Variants in PPM1H observed in about 807,000 individuals in gnomAD.
PPM1H encodes protein phosphatase 1H.
PPM1H carries 27 observed loss-of-function variants against 54.9 expected under a neutral mutation model. That is an observed-to-expected ratio of 0.49 (90% CI 0.36 to 0.68). PPM1H has a LOEUF of 0.68. PPM1H is among the 30% of genes least tolerant of loss of function. The probability of loss-of-function intolerance (pLI) is 0.00; values close to 1 mark genes in which losing one functional copy is unlikely to be tolerated. For missense variants in PPM1H, 596 were observed against 667.8 expected (o/e 0.89, Z 1.19); for synonymous variants, 305 against 270.8 (o/e 1.13, Z -1.24).
At chr12:62,816,546 C>A (rs1592613903) in intron 2 of PPM1H, among the ~76,000 whole-genome samples, 1 of 152,148 alleles carries the variant, frequency 6.6e-6, no homozygotes, top group East Asian at 1.9e-4. Context: ...GTCTCATTCC[C>A]AAGATATCTC....
intron 1 of PPM1H, among the ~76,000 whole-genome samples, chr12:62,840,838 C>G (rs1182682483): frequency 6.6e-6 from 1 of 152,132 alleles, no homozygotes; most frequent in Non-Finnish European, 1.5e-5. Context: ...ATCACAGTTA[C>G]TTTAGAAAAA....
chr12:62,790,078 A>G (rs1477694712), intron 3 of PPM1H, among the ~76,000 whole-genome samples: 2 of 152,210 alleles, frequency 1.3e-5, no homozygotes, highest in African/African-American at 2.4e-5. Context: ...TCAGGCCACT[A>G]TTGTAATCCT....
intron 1 of PPM1H, among the ~76,000 whole-genome samples, chr12:62,877,932 C>T (rs754401161): frequency 1.1e-4 from 16 of 152,200 alleles, no homozygotes; most frequent in Non-Finnish European, 1.9e-4. Flanking sequence ...GGGTCTCGCT[C>T]TATCGTCCAG....
At chr12:62,736,589 G>A (rs1945672285) in intron 5 of PPM1H, among the ~76,000 whole-genome samples, 1 of 152,228 alleles carries the variant, frequency 6.6e-6, no homozygotes, top group Non-Finnish European at 1.5e-5. Context: ...GAAGGAAAGT[G>A]CAGAGCTGCT....
At chr12:62,738,983 G>A (rs1446789610) in intron 4 of PPM1H, among the ~76,000 whole-genome samples, 1 of 151,386 alleles carries the variant, frequency 6.6e-6, no homozygotes, top group Non-Finnish European at 1.5e-5. Flanking sequence ...AAAGTGGGGG[G>A]TCGGGGCGGG....
chr12:62,777,282 T>C (rs897994559), intron 4 of PPM1H, among the ~76,000 whole-genome samples: 20 of 152,200 alleles, frequency 1.3e-4, no homozygotes, highest in African/African-American at 4.6e-4. Flanking sequence ...GAGCTTCATG[T>C]GTCTCCTGAA....
chr12:62,689,652 G>A (rs369802137), intron 8 of PPM1H, 47 bp downstream of exon 8: 35 of 1,492,222 alleles, frequency 2.3e-5, no homozygotes, highest in Admixed American at 1.3e-4. Context: ...GAATAACGCC[G>A]AAAATGTTTT....
At chr12:62,705,883 T>C (rs1282316012) in intron 6 of PPM1H, among the ~76,000 whole-genome samples, 3 of 152,220 alleles carry the variant, frequency 2.0e-5, no homozygotes, top group African/African-American at 7.2e-5. Context: ...ACCCCATAGC[T>C]ACAAATGGTG....
chr12:62,855,965 C>T (rs955869078), intron 1 of PPM1H, among the ~76,000 whole-genome samples: 2 of 152,106 alleles, frequency 1.3e-5, no homozygotes, highest in African/African-American at 4.8e-5. Context: ...GCTAATTATC[C>T]ACTACTATTT....
intron 4 of PPM1H, among the ~76,000 whole-genome samples, chr12:62,746,354 T>C (rs2076410973): frequency 6.6e-6 from 1 of 152,226 alleles, no homozygotes; most frequent in African/African-American, 2.4e-5. Context: ...AGGTGTGATT[T>C]ATTCAGTGGC....
chr12:62,794,316 T>C (rs1341629797), intron 3 of PPM1H, among the ~76,000 whole-genome samples: 1 of 152,266 alleles, frequency 6.6e-6, no homozygotes, highest in Admixed American at 6.5e-5. Flanking sequence ...CACTAATTTA[T>C]TTATTATAAT....
At chr12:62,869,655 C>A (rs116926538) in intron 1 of PPM1H, among the ~76,000 whole-genome samples, 1 of 152,150 alleles carries the variant, frequency 6.6e-6, no homozygotes, top group Non-Finnish European at 1.5e-5. Context: ...TCCCATCTCC[C>A]GCTCAAAGTC....
chr12:62,748,053 G>A (rs2076422259), intron 4 of PPM1H, among the ~76,000 whole-genome samples: 1 of 152,304 alleles, frequency 6.6e-6, no homozygotes, highest in Non-Finnish European at 1.5e-5. Context: ...GTGTCCAGGA[G>A]TCCAATTTCT....
At chr12:62,712,856 A>G (rs2076214863) in intron 6 of PPM1H, among the ~76,000 whole-genome samples, 1 of 152,206 alleles carries the variant, frequency 6.6e-6, no homozygotes, top group South Asian at 2.1e-4. Context: ...GTGGTCCTCA[A>G]GAGGATAAAG....
intron 1 of PPM1H, among the ~76,000 whole-genome samples, chr12:62,901,307 C>T (rs548608354): frequency 7.2e-4 from 110 of 152,298 alleles, no homozygotes; most frequent in African/African-American, 2.5e-3. Context: ...TCAACCAAAT[C>T]CAATTAATTC....
At chr12:62,773,389 C>A (rs1053716223) in intron 4 of PPM1H, among the ~76,000 whole-genome samples, 1 of 152,152 alleles carries the variant, frequency 6.6e-6, no homozygotes, top group African/African-American at 2.4e-5. Context: ...GTGGAAGGAT[C>A]ACTTGAACTT....
rs74369999 is a variant in PPM1H at position 62,834,930 on chromosome 12, C to T, written c.246-2651G>A. ...CATGGTGTCCCAAATGTGCGCCTTCCCTGGGGAAAGCTCAAGTGGGGGTTC... is the reference window on the plus strand; with the variant it reads ...CATGGTGTCCCAAATGTGCGCCTTCTCTGGGGAAAGCTCAAGTGGGGGTTC... On this transcript the variant is annotated intron_variant, in intron 1 of 9. Coordinates refer to ENST00000228705, the MANE Select transcript of PPM1H (RefSeq NM_020700.2). 2.7e-3 allele frequency among the ~76,000 whole-genome samples: 408 copies of T among 152,150 alleles called. 11 individuals are homozygous for T. The East Asian group carries it at 0.061, about 23-fold the overall frequency.
intron 4 of PPM1H, among the ~76,000 whole-genome samples, chr12:62,778,521 T>C (rs1333631457): frequency 6.6e-6 from 1 of 152,018 alleles, no homozygotes; most frequent in African/African-American, 2.4e-5. Context: ...AAGCCAAGAG[T>C]TAAAAATGAC....
At chr12:62,681,728 C>T (rs892932697) in intron 8 of PPM1H, among the ~76,000 whole-genome samples, 5 of 152,208 alleles carry the variant, frequency 3.3e-5, no homozygotes, top group African/African-American at 1.2e-4. Flanking sequence ...TATGGCTCAT[C>T]CTTCTTTGGC....
Sources: gnomAD v4.1 joint callset for allele counts (sites outside exome capture counted in the v4.1 genomes callset) on GRCh38, gnomAD v4.1.1 for gene constraint, MANE v1.5 for transcripts, NCBI Gene and HGNC (gene_info 2026-07-23, HGNC 2026-07-21) for gene names.